The following PARD3 variants were observed in gnomAD, a reference collection of about 807,000 sequenced individuals.
PARD3 encodes the protein par-3 family cell polarity regulator.
A neutral mutation model predicts 155.4 loss-of-function variants in PARD3; 75 were observed. The observed-to-expected ratio is 0.48, with a 90% CI of 0.40 to 0.58. The LOEUF (loss-of-function observed/expected upper bound fraction) is 0.58, where lower values mean the gene tolerates loss of function less well. Among genes scored for constraint, PARD3 ranks in the 20% least tolerant of loss-of-function variants. The pLI is 0.00. For synonymous variants in PARD3, 576 were observed against 610.5 expected, an observed-to-expected ratio of 0.94 and a Z score of 0.83; for missense variants, 1,642 against 1,721.7, an observed-to-expected ratio of 0.95 and a Z score of 0.82.
intron 19 of PARD3, among the ~76,000 whole-genome samples, chr10:34,322,006 C>T (rs1309333610): frequency 1.3e-5 from 2 of 152,006 alleles, no homozygotes; most frequent in African/African-American, 2.4e-5. Context: ...ACTATAATTT[C>T]TGTTGGCCGC....
At chr10:34,729,646 A>G (rs2094782058) in intron 1 of PARD3, among the ~76,000 whole-genome samples, 1 of 152,200 alleles carries the variant, frequency 6.6e-6, no homozygotes, top group Admixed American at 6.5e-5. Flanking sequence ...GTAGAACTTG[A>G]TTTAATATAG....
At chr10:34,411,930 G>A (rs1845118322) in intron 5 of PARD3, among the ~76,000 whole-genome samples, 2 of 68,316 alleles carry the variant, frequency 2.9e-5, no homozygotes, top group South Asian at 6.4e-4. Flanking sequence ...GTGTGTGTGT[G>A]TGTGTGTGTG....
chr10:34,626,874 C>T (rs779215997), intron 2 of PARD3, among the ~76,000 whole-genome samples: 18 of 152,224 alleles, frequency 1.2e-4, no homozygotes, highest in Admixed American at 3.3e-4. Flanking sequence ...ACGACCCACA[C>T]CTAGGCACAT....
At chr10:34,198,238 TA>T (rs1326158981) in intron 22 of PARD3, among the ~76,000 whole-genome samples, 1 of 151,844 alleles carries the variant, frequency 6.6e-6, no homozygotes, top group African/African-American at 2.4e-5. Flanking sequence ...AAATTCAGGA[TA>T]ATGCAGCTAT....
At chr10:34,268,309 G>A (rs1955435317) in intron 22 of PARD3, among the ~76,000 whole-genome samples, 1 of 151,808 alleles carries the variant, frequency 6.6e-6, no homozygotes. Context: ...GGAGAAATAG[G>A]AACACTTTTA....
intron 3 of PARD3, among the ~76,000 whole-genome samples, chr10:34,501,315 C>G (rs930596788): frequency 6.6e-6 from 1 of 152,000 alleles, no homozygotes; most frequent in Non-Finnish European, 1.5e-5. Context: ...GTGTGTGGCA[C>G]CCCCCTCTGC....
intron 22 of PARD3, among the ~76,000 whole-genome samples, chr10:34,161,270 C>T (rs927841975): frequency 7.5e-6 from 1 of 133,716 alleles, no homozygotes; most frequent in African/African-American, 2.8e-5. Context: ...AGAAGAGAAT[C>T]GAGTGAGAAT....
chr10:34,683,150 C>T (rs915714321), intron 2 of PARD3, among the ~76,000 whole-genome samples: 5 of 152,064 alleles, frequency 3.3e-5, no homozygotes, highest in African/African-American at 1.2e-4. Context: ...GAAAGGTGAA[C>T]ACCACGTATT....
At chr10:34,328,396 A>T (rs532488892) in intron 19 of PARD3, among the ~76,000 whole-genome samples, 1 of 152,324 alleles carries the variant, frequency 6.6e-6, no homozygotes, top group East Asian at 1.9e-4. Flanking sequence ...GGTACATAGA[A>T]TCATGGAATG....
At chr10:34,743,828 C>T (rs923436203) in intron 1 of PARD3, among the ~76,000 whole-genome samples, 2 of 152,144 alleles carry the variant, frequency 1.3e-5, no homozygotes, top group Non-Finnish European at 2.9e-5. Flanking sequence ...AGCTGTGTGA[C>T]TGCCCCCACA....
intron 1 of PARD3, among the ~76,000 whole-genome samples, chr10:34,723,005 G>A (rs1029457238): frequency 6.6e-6 from 1 of 152,106 alleles, no homozygotes; most frequent in African/African-American, 2.4e-5. Flanking sequence ...CTTAACAATT[G>A]TAGTATATTT....
chr10:34,456,252 C>T (rs1281369739), intron 4 of PARD3, among the ~76,000 whole-genome samples: 1 of 152,098 alleles, frequency 6.6e-6, no homozygotes, highest in African/African-American at 2.4e-5. Flanking sequence ...ATTGCAGCAC[C>T]TCTTTAGCTC....
chr10:34,141,030 A>G (rs928034), intron 22 of PARD3, among the ~76,000 whole-genome samples: 71,699 of 152,008 alleles, frequency 0.47, 18,785 homozygotes, highest in Non-Finnish European at 0.6. Flanking sequence ...ATCTTGTTAT[A>G]GTCTTTGCAT....
intron 1 of PARD3, among the ~76,000 whole-genome samples, chr10:34,808,299 G>C (rs1843655548): frequency 6.6e-6 from 1 of 151,904 alleles, no homozygotes; most frequent in Admixed American, 6.6e-5. Context: ...GGGTGACAAA[G>C]ACCCTGTCTC....
intron 22 of PARD3, among the ~76,000 whole-genome samples, chr10:34,252,582 C>T (rs1041489539): frequency 1.3e-5 from 2 of 152,170 alleles, no homozygotes; most frequent in Non-Finnish European, 2.9e-5. Context: ...GCGGCCCTTG[C>T]TGATCTGTGT....
intron 20 of PARD3, among the ~76,000 whole-genome samples, chr10:34,316,648 C>T (rs1228329179): frequency 6.6e-6 from 1 of 152,152 alleles, no homozygotes; most frequent in African/African-American, 2.4e-5. Flanking sequence ...ACAAACACTG[C>T]TTTAATAGCC....
intron 2 of PARD3, among the ~76,000 whole-genome samples, chr10:34,689,341 G>A (rs193135143): frequency 6.6e-6 from 1 of 152,324 alleles, no homozygotes; most frequent in Admixed American, 6.5e-5. Flanking sequence ...CTGTGAATCT[G>A]TGTGAATTAT....
rs370221987 is a variant in PARD3 at position 34,205,720 on chromosome 10, C to T, written c.3419+63937G>A. 2.4e-3 allele frequency among the ~76,000 whole-genome samples: 364 copies of T among 152,258 alleles called. 2 individuals carry two copies. Among genetic ancestry groups the T allele is most frequent in the African/African-American group, 8.0e-3 (333 of 41,540 alleles). On this transcript the variant is annotated intron_variant, in intron 22 of 24. Transcript: ENST00000374788. ...GGCTGGGCCTGAAGATGGGCAGGGA[C>T]TCACCTCCTGCACTTCCTCCTGCCT... is the stretch of plus-strand genomic sequence containing the variant.
In PARD3 at chr10:34,174,221, G is replaced by A. The variant is rs546142599; in HGVS notation, c.3420-42638C>T. On this transcript the variant is annotated intron_variant, in intron 22 of 24. Transcript: ENST00000374788. The stretch of plus-strand genomic sequence containing the variant: ...GCTGCTCAAAACAGACTTTCGGAAA[G>A]ATACTACCATCATAAATTCATCCGG... 1.5e-3 allele frequency among the ~76,000 whole-genome samples: 222 copies of A among 152,290 alleles called. 2 individuals are homozygous for A. The highest frequency in any genetic ancestry group is 2.6e-3 in the Non-Finnish European group (176 of 68,024).
Sources: gnomAD v4.1 joint callset for allele counts (sites outside exome capture counted in the v4.1 genomes callset) on GRCh38, gnomAD v4.1.1 for gene constraint, MANE v1.5 for transcripts, NCBI Gene and HGNC (gene_info 2026-07-23, HGNC 2026-07-21) for gene names.